Variants in KIAA1958 observed in about 807,000 individuals in gnomAD.
KIAA1958 encodes the protein uncharacterized protein KIAA1958.
A neutral mutation model predicts 47.2 loss-of-function variants in KIAA1958; 14 were observed. The observed-to-expected ratio is 0.30, with a 90% CI of 0.20 to 0.46. KIAA1958 has a LOEUF of 0.46. KIAA1958 is among the 20% of genes least tolerant of loss of function. KIAA1958 has a pLI of 1.00. For synonymous variants in KIAA1958, 354 were observed against 353.3 expected (o/e 1.00, Z -0.02); for missense variants, 803 against 909.2 (o/e 0.88, Z 1.50).
intron 3 of KIAA1958, among the ~76,000 whole-genome samples, chr9:112,648,822 A>G (rs1038956756): frequency 1.3e-5 from 2 of 152,258 alleles, no homozygotes; most frequent in Admixed American, 6.5e-5. Flanking sequence ...AAAATTCACA[A>G]TGTCTAGCAT....
intron 1 of KIAA1958, among the ~76,000 whole-genome samples, chr9:112,520,454 A>G (rs1351011872): frequency 3.3e-5 from 5 of 152,242 alleles, no homozygotes; most frequent in Non-Finnish European, 7.3e-5. Context: ...GAGTGACTAT[A>G]TTGGTCCTAG....
At chr9:112,595,796 T>C (rs1836015218) in intron 2 of KIAA1958, among the ~76,000 whole-genome samples, 1 of 152,134 alleles carries the variant, frequency 6.6e-6, no homozygotes, top group African/African-American at 2.4e-5. Context: ...AAGCATTTTT[T>C]TTTTTTGAGA....
chr9:112,520,426 C>A (rs1265719567), intron 1 of KIAA1958, among the ~76,000 whole-genome samples: 4 of 152,190 alleles, frequency 2.6e-5, no homozygotes, highest in Non-Finnish European at 5.9e-5. Context: ...CTACATGATA[C>A]TCTATATTAC....
chr9:112,521,215 GTTGTTGTTTAAA>G (rs1834537806), intron 1 of KIAA1958, among the ~76,000 whole-genome samples: 1 of 152,016 alleles, frequency 6.6e-6, no homozygotes. Flanking sequence ...TGTTGTTGTT[GTTGTTGTTTAAA>G]GAGATAGGTC....
intron 1 of KIAA1958, among the ~76,000 whole-genome samples, chr9:112,516,854 G>A (rs1335720929): frequency 6.6e-6 from 1 of 152,220 alleles, no homozygotes; most frequent in African/African-American, 2.4e-5. Context: ...GTTTCACAGA[G>A]GCTCCAGTGC....
intron 2 of KIAA1958, among the ~76,000 whole-genome samples, chr9:112,608,846 C>T (rs1366155265): frequency 6.6e-6 from 1 of 151,928 alleles, no homozygotes; most frequent in Non-Finnish European, 1.5e-5. Flanking sequence ...CAAGGCCAGC[C>T]TGGGCAATGT....
At chr9:112,573,558 C>T (rs1313307487) in intron 1 of KIAA1958, among the ~76,000 whole-genome samples, 1 of 152,274 alleles carries the variant, frequency 6.6e-6, no homozygotes, top group East Asian at 1.9e-4. Context: ...CTCTGACCTC[C>T]GTCCTAAGAT....
At chr9:112,535,703 G>T (rs191332406) in intron 1 of KIAA1958, among the ~76,000 whole-genome samples, 1 of 151,890 alleles carries the variant, frequency 6.6e-6, no homozygotes, top group Non-Finnish European at 1.5e-5. Flanking sequence ...AGTGTACAAG[G>T]GTTCTCTTTT....
chr9:112,599,670 C>T (rs1043830624), intron 2 of KIAA1958, among the ~76,000 whole-genome samples: 1 of 152,162 alleles, frequency 6.6e-6, no homozygotes, highest in Non-Finnish European at 1.5e-5. Context: ...GTAAATGTCA[C>T]ATCTATAATG....
At chr9:112,527,054 A>T (rs981806378) in intron 1 of KIAA1958, among the ~76,000 whole-genome samples, 5 of 152,168 alleles carry the variant, frequency 3.3e-5, no homozygotes, top group Non-Finnish European at 7.4e-5. Flanking sequence ...GGGCACTAAG[A>T]CACATTTGTA....
At chr9:112,535,968 T>C (rs563541612) in intron 1 of KIAA1958, among the ~76,000 whole-genome samples, 35 of 152,346 alleles carry the variant, frequency 2.3e-4, no homozygotes, top group African/African-American at 7.9e-4. Context: ...TTGTGTCATA[T>C]TGTCATACAT....
At position 112,574,434 on chromosome 9, in the gene KIAA1958, C is replaced by T. The variant is rs750351630; in HGVS notation, c.354C>T (p.Asp118=). The change falls in exon 2 of 4, where the codon GAC becomes GAT. Residue 118 remains aspartate, a synonymous_variant. Coordinates refer to ENST00000337530, the MANE Select transcript of KIAA1958 (RefSeq NM_133465.4). The part of the protein sequence containing the change: ...KAKLDCNRTR[D]SCDFSYCSEP... ...AGCTAGACTGTAACCGGACCAGAGA[C>T]TCTTGTGACTTCTCCTACTGTAGTG... 1.2e-6 allele frequency: 2 copies of T among 1,614,146 alleles called. No individual in the cohort carries two copies. The highest frequency in any genetic ancestry group is 3.3e-5 in the Admixed American group (2 of 60,026).
At chr9:112,617,018 T>C (rs562203191) in intron 2 of KIAA1958, among the ~76,000 whole-genome samples, 46 of 152,350 alleles carry the variant, frequency 3.0e-4, no homozygotes, top group African/African-American at 1.1e-3. Flanking sequence ...CACAGCAATC[T>C]GTGAAGACAG....
In KIAA1958 at chr9:112,575,053, T is replaced by C. The variant is rs767995025; in HGVS notation, c.973T>C (p.Leu325=). Residue 325 remains leucine, a synonymous_variant, in exon 2 of 4, where the codon TTG becomes CTG. Transcript: ENST00000337530. ...TCCTAACAAACAGATCAGTATCCCC[T>C]TGTCTGCCCTGCAGCTGCCTGGACA... is the stretch of plus-strand genomic sequence containing the variant. ...SHPNKQISIP[L]SALQLPGQDE... The C allele has an allele frequency of 5.0e-6, 8 of 1,613,896 alleles. 1 individual carries two copies. The South Asian group carries it at 8.8e-5, about 18-fold the overall frequency.
At chr9:112,518,044 A>G (rs1343956420) in intron 1 of KIAA1958, among the ~76,000 whole-genome samples, 1 of 152,196 alleles carries the variant, frequency 6.6e-6, no homozygotes, top group African/African-American at 2.4e-5. Context: ...ACCTGACCTT[A>G]AGTGTTTGCC....
intron 2 of KIAA1958, among the ~76,000 whole-genome samples, chr9:112,578,879 G>A (rs1835692846): frequency 6.6e-6 from 1 of 151,948 alleles, no homozygotes; most frequent in Admixed American, 6.6e-5. Context: ...GGTTTTATGT[G>A]TATATTATAT....
intron 2 of KIAA1958, among the ~76,000 whole-genome samples, chr9:112,633,503 T>C (rs909780133): frequency 6.6e-6 from 1 of 152,190 alleles, no homozygotes; most frequent in Non-Finnish European, 1.5e-5. Context: ...ACAATACTTA[T>C]TGAAGTACTT....
chr9:112,582,231 G>A (rs1311224043), intron 2 of KIAA1958, among the ~76,000 whole-genome samples: 1 of 152,156 alleles, frequency 6.6e-6, no homozygotes, highest in Non-Finnish European at 1.5e-5. Flanking sequence ...TAAATGACTA[G>A]AGAAGTATAA....
chr9:112,595,939 C>A (rs1201032085), intron 2 of KIAA1958, among the ~76,000 whole-genome samples: 1 of 151,950 alleles, frequency 6.6e-6, no homozygotes, highest in African/African-American at 2.4e-5. Flanking sequence ...GCATGTGTCA[C>A]CATGCCCAGC....
Sources: allele counts gnomAD v4.1 joint callset (sites outside exome capture counted in the v4.1 genomes callset), GRCh38; gene constraint gnomAD v4.1.1; transcripts MANE v1.5; gene names NCBI Gene and HGNC (gene_info 2026-07-23, HGNC 2026-07-21).